Variants in AKR1C8 observed in about 807,000 individuals in gnomAD.
AKR1C8 encodes the protein aldo-keto reductase family 1 member C-like protein 1.
At chr10:5,135,537 ATC>A in the AKR1C8 span, among the ~76,000 whole-genome samples, 1 of 151,788 alleles carries the variant, frequency 6.6e-6, no homozygotes, top group Non-Finnish European at 1.5e-5. Context: ...CTATCTGGCT[ATC>A]TATTATCTAT....
the AKR1C8 span, among the ~76,000 whole-genome samples, chr10:5,130,289 A>G: frequency 6.6e-6 from 1 of 151,986 alleles, no homozygotes; most frequent in South Asian, 2.1e-4. Flanking sequence ...TAAAAGCCAT[A>G]TATGACAAAC....
chr10:5,142,103 T>G, the AKR1C8 span, among the ~76,000 whole-genome samples: 2 of 152,122 alleles, frequency 1.3e-5, no homozygotes, highest in Non-Finnish European at 2.9e-5. Flanking sequence ...TTGCTTTATT[T>G]TGCACTTTTT....
At chr10:5,129,812 G>C in the AKR1C8 span, among the ~76,000 whole-genome samples, 1 of 151,938 alleles carries the variant, frequency 6.6e-6, no homozygotes, top group Non-Finnish European at 1.5e-5. Flanking sequence ...GGATCAGATG[G>C]ATTCACAGCA....
the AKR1C8 span, among the ~76,000 whole-genome samples, chr10:5,152,920 G>C: frequency 6.6e-6 from 1 of 151,784 alleles, no homozygotes; most frequent in East Asian, 1.9e-4. Flanking sequence ...TCATTTTCTT[G>C]GAGGGAGCTA....
At chr10:5,135,163 C>A in the AKR1C8 span, 1 of 224,494 alleles carries the variant, frequency 4.5e-6, no homozygotes, top group South Asian at 8.4e-5. Flanking sequence ...ACACAGGTGC[C>A]AAATCCTAAT....
At chr10:5,162,898 G>A in the AKR1C8 span, 11 of 534,486 alleles carry the variant, frequency 2.1e-5, no homozygotes, top group Admixed American at 3.9e-5. Context: ...TACCATCAGC[G>A]ATCTTCTCCC....
the AKR1C8 span, among the ~76,000 whole-genome samples, chr10:5,118,215 G>A: frequency 6.6e-6 from 1 of 152,084 alleles, no homozygotes; most frequent in Non-Finnish European, 1.5e-5. Flanking sequence ...TTTTTCAAAA[G>A]GGAAGTTAAC....
At chr10:5,117,889 A>G in the AKR1C8 span, among the ~76,000 whole-genome samples, 1 of 152,204 alleles carries the variant, frequency 6.6e-6, no homozygotes, top group South Asian at 2.1e-4. Flanking sequence ...ATCTGCCCCC[A>G]TGACCATAAT....
chr10:5,158,886 C>T, the AKR1C8 span, among the ~76,000 whole-genome samples: 2 of 152,168 alleles, frequency 1.3e-5, no homozygotes, highest in African/African-American at 2.4e-5. Context: ...ATTTGCCACA[C>T]TGATACAGTA....
chr10:5,157,732 C>T, the AKR1C8 span: 1 of 472,562 alleles, frequency 2.1e-6, no homozygotes, highest in East Asian at 7.0e-5. Flanking sequence ...GCCTGGGCTT[C>T]CACTGTGTTT....
At chr10:5,145,191 C>A in the AKR1C8 span, among the ~76,000 whole-genome samples, 1 of 152,106 alleles carries the variant, frequency 6.6e-6, no homozygotes, top group South Asian at 2.1e-4. Flanking sequence ...TTGCATATAT[C>A]AATTCAAGAT....
chr10:5,130,517 C>T, the AKR1C8 span, among the ~76,000 whole-genome samples: 1 of 151,810 alleles, frequency 6.6e-6, no homozygotes, highest in Admixed American at 6.6e-5. Context: ...AATCATATAC[C>T]TACAAAACCC....
the AKR1C8 span, chr10:5,155,758 CT>C: frequency 4.2e-6 from 2 of 472,560 alleles, no homozygotes; most frequent in South Asian, 3.1e-5. Flanking sequence ...AGTCAAAAAT[CT>C]GAAAGGAAGA....
chr10:5,126,309 G>A, the AKR1C8 span, among the ~76,000 whole-genome samples: 2 of 152,162 alleles, frequency 1.3e-5, no homozygotes, highest in Non-Finnish European at 2.9e-5. Context: ...AGGCTTGCAT[G>A]AGAGGCAGTC....
chr10:5,153,484 C>A, the AKR1C8 span, among the ~76,000 whole-genome samples: 1 of 151,986 alleles, frequency 6.6e-6, no homozygotes. Context: ...TGGGTTAGTC[C>A]GTTGTCACAC....
At chr10:5,135,508 AATCTATCT>A in the AKR1C8 span, among the ~76,000 whole-genome samples, 2,681 of 151,640 alleles carry the variant, frequency 0.018, 74 homozygotes, top group African/African-American at 0.061. Context: ...TTCCATCTGG[AATCTATCT>A]ATCTATCTAT....
chr10:5,159,941 T>G, the AKR1C8 span: 1 of 497,660 alleles, frequency 2.0e-6, no homozygotes, highest in South Asian at 1.5e-5. Flanking sequence ...TTCCAGCAGC[T>G]TGTGATTGAA....
At chr10:5,183,958 T>C in the AKR1C8 span, among the ~76,000 whole-genome samples, 2 of 152,198 alleles carry the variant, frequency 1.3e-5, no homozygotes, top group Non-Finnish European at 2.9e-5. Context: ...GGAAAGTCTC[T>C]TTTTCTTTTG....
the AKR1C8 span, among the ~76,000 whole-genome samples, chr10:5,139,538 C>T: frequency 3.9e-5 from 6 of 152,120 alleles, 1 homozygote; most frequent in Non-Finnish European, 7.4e-5. Context: ...CTGACAAAAA[C>T]AAGAAATGGG....
Sources: allele counts gnomAD v4.1 joint callset (sites outside exome capture counted in the v4.1 genomes callset), GRCh38; gene constraint gnomAD v4.1.1; transcripts MANE v1.5; gene names NCBI Gene and HGNC (gene_info 2026-07-23, HGNC 2026-07-21).